The following ASIC2 variants were observed in gnomAD, a reference collection of about 807,000 sequenced individuals.
ASIC2 encodes acid-sensing ion channel 2.
Under a neutral mutation model 57.3 loss-of-function variants are expected in ASIC2, and 25 were observed. The observed-to-expected ratio is 0.44, with a 90% confidence interval of 0.32 to 0.61. The LOEUF is 0.61. Ranked by LOEUF, ASIC2 falls within the 20% of genes least tolerant of loss-of-function variation. The pLI, the probability that ASIC2 is intolerant of heterozygous loss-of-function variation, is 0.06. For synonymous variants in ASIC2, 319 were observed against 307.5 expected (o/e 1.04, Z -0.39); for missense variants, 641 against 738.1 (o/e 0.87, Z 1.52).
At chr17:33,977,869 T>A (rs537335465) in intron 1 of ASIC2, among the ~76,000 whole-genome samples, 7 of 152,270 alleles carry the variant, frequency 4.6e-5, no homozygotes, top group African/African-American at 1.7e-4. Context: ...GGAGAGGAAT[T>A]TGGGGCCAGC....
At chr17:33,918,558 C>G (rs1359705324) in intron 1 of ASIC2, among the ~76,000 whole-genome samples, 1 of 152,132 alleles carries the variant, frequency 6.6e-6, no homozygotes, top group Non-Finnish European at 1.5e-5. Context: ...TTCATTTTAA[C>G]TTGGTTATGA....
intron 3 of ASIC2, among the ~76,000 whole-genome samples, chr17:33,062,472 TTGAG>T (rs1335829843): frequency 6.6e-6 from 1 of 152,216 alleles, no homozygotes; most frequent in African/African-American, 2.4e-5. Context: ...TTGAGCGGTT[TTGAG>T]TGAGTTTCTT....
At chr17:33,272,859 A>T (rs1904559031) in intron 1 of ASIC2, among the ~76,000 whole-genome samples, 1 of 152,226 alleles carries the variant, frequency 6.6e-6, no homozygotes, top group African/African-American at 2.4e-5. Context: ...TTTACAAATG[A>T]GAAAACTGAG....
intron 1 of ASIC2, among the ~76,000 whole-genome samples, chr17:33,723,519 T>C (rs1440738401): frequency 2.6e-5 from 4 of 152,110 alleles, no homozygotes; most frequent in Non-Finnish European, 5.9e-5. Context: ...ATTAGAGATA[T>C]GGTTTCACCC....
intron 1 of ASIC2, among the ~76,000 whole-genome samples, chr17:33,463,836 T>C (rs909230641): frequency 2.0e-5 from 3 of 152,212 alleles, no homozygotes; most frequent in Admixed American, 6.5e-5. Flanking sequence ...TATTTGAGAA[T>C]GTGTCTCTCC....
At chr17:34,063,959 T>A (rs756102075) in intron 1 of ASIC2, among the ~76,000 whole-genome samples, 28 of 152,146 alleles carry the variant, frequency 1.8e-4, no homozygotes, top group Non-Finnish European at 3.4e-4. Context: ...CCAAAAGCAA[T>A]CTAAAAATTC....
intron 1 of ASIC2, among the ~76,000 whole-genome samples, chr17:33,351,623 C>T (rs1251561023): frequency 6.6e-6 from 1 of 152,148 alleles, no homozygotes; most frequent in East Asian, 1.9e-4. Context: ...CTCATGTTTT[C>T]CTACCTCCAA....
intron 1 of ASIC2, among the ~76,000 whole-genome samples, chr17:33,606,730 G>T (rs75911654): frequency 0.014 from 2,122 of 152,304 alleles, 32 homozygotes; most frequent in East Asian, 0.072. Flanking sequence ...ATGGCTTAAT[G>T]CACCACACTG....
intron 3 of ASIC2, among the ~76,000 whole-genome samples, chr17:33,066,398 T>C (rs2092043629): frequency 6.6e-6 from 1 of 152,188 alleles, no homozygotes. Flanking sequence ...CATCTAATAC[T>C]TATTCAGCAG....
chr17:33,696,719 C>G (rs1908540175), intron 1 of ASIC2, among the ~76,000 whole-genome samples: 1 of 152,202 alleles, frequency 6.6e-6, no homozygotes, highest in Non-Finnish European at 1.5e-5. Flanking sequence ...AGAAGCCAAA[C>G]TGATAACACA....
At chr17:34,034,445 C>T (rs1483633353) in intron 1 of ASIC2, among the ~76,000 whole-genome samples, 2 of 152,172 alleles carry the variant, frequency 1.3e-5, no homozygotes, top group Non-Finnish European at 2.9e-5. Flanking sequence ...CCTTTGAAAA[C>T]AGGCACAAGA....
chr17:33,091,943 CTT>C (rs993265847), intron 2 of ASIC2, among the ~76,000 whole-genome samples: 2 of 152,182 alleles, frequency 1.3e-5, no homozygotes, highest in African/African-American at 2.4e-5. Flanking sequence ...TTAATTAAAA[CTT>C]AAGTTTAAAT....
intron 1 of ASIC2, among the ~76,000 whole-genome samples, chr17:33,966,585 A>G (rs548233975): frequency 3.9e-5 from 6 of 152,360 alleles, no homozygotes; most frequent in African/African-American, 1.4e-4. Flanking sequence ...TGTGTTGTTC[A>G]CTAACCACAC....
intron 1 of ASIC2, among the ~76,000 whole-genome samples, chr17:33,570,508 G>A (rs1304118761): frequency 6.6e-6 from 1 of 152,204 alleles, no homozygotes; most frequent in Non-Finnish European, 1.5e-5. Flanking sequence ...CCCCAGCACT[G>A]GGATGCAACC....
intron 1 of ASIC2, among the ~76,000 whole-genome samples, chr17:33,607,756 C>T (rs1406135969): frequency 6.6e-6 from 1 of 152,286 alleles, no homozygotes; most frequent in Non-Finnish European, 1.5e-5. Context: ...GGACCACTCA[C>T]TACAGAAATC....
intron 1 of ASIC2, among the ~76,000 whole-genome samples, chr17:33,460,080 T>C (rs1206226341): frequency 1.3e-5 from 2 of 152,240 alleles, no homozygotes; most frequent in East Asian, 1.9e-4. Flanking sequence ...TTATGCTCTA[T>C]AGCAGACATT....
At chr17:33,694,365 C>G (rs1047389877) in intron 1 of ASIC2, among the ~76,000 whole-genome samples, 1 of 152,192 alleles carries the variant, frequency 6.6e-6, no homozygotes, top group Non-Finnish European at 1.5e-5. Flanking sequence ...CATGATCTAG[C>G]CTAGCATTCT....
chr17:33,539,214 G>A (rs902466063), intron 1 of ASIC2, among the ~76,000 whole-genome samples: 1 of 152,246 alleles, frequency 6.6e-6, no homozygotes, highest in Non-Finnish European at 1.5e-5. Flanking sequence ...CATCCAGCAG[G>A]TGACTTGCAT....
chr17:33,696,995 C>G (rs990917387), intron 1 of ASIC2, among the ~76,000 whole-genome samples: 1 of 152,062 alleles, frequency 6.6e-6, no homozygotes, highest in Non-Finnish European at 1.5e-5. Context: ...AATGGTTTTG[C>G]ACCATTCCTC....
Sources: gnomAD v4.1 joint callset for allele counts (sites outside exome capture counted in the v4.1 genomes callset) on GRCh38, gnomAD v4.1.1 for gene constraint, MANE v1.5 for transcripts, NCBI Gene and HGNC (gene_info 2026-07-23, HGNC 2026-07-21) for gene names.